The following BIN1 variants were observed in gnomAD, a reference collection of about 807,000 sequenced individuals.
BIN1 encodes bridging integrator 1.
BIN1 carries 53 observed loss-of-function variants against 82.0 expected under a neutral mutation model. The ratio of observed to expected loss-of-function variants is 0.65; its 90% CI spans 0.52 to 0.81. The LOEUF (loss-of-function observed/expected upper bound fraction) is 0.81, where lower values mean the gene tolerates loss of function less well. Among genes scored for constraint, BIN1 ranks in the 40% least tolerant of loss-of-function variants. BIN1 has a pLI of 0.00. For missense variants in BIN1, 642 were observed against 784.4 expected, an observed-to-expected ratio of 0.82 and a Z score of 2.17; for synonymous variants, 302 against 328.0, an observed-to-expected ratio of 0.92 and a Z score of 0.86.
At chr2:127,106,650 G>A (rs568840705) in intron 1 of BIN1, among the ~76,000 whole-genome samples, 19 of 152,104 alleles carry the variant, frequency 1.2e-4, no homozygotes, top group African/African-American at 4.3e-4. Flanking sequence ...CCGGGTGTGG[G>A]GAGACAGAGG....
chr2:127,052,309 C>A lies in BIN1; in HGVS notation c.1317G>T (p.Glu439Asp). The A allele has an allele frequency of 6.3e-7, 1 of 1,586,798 alleles. No homozygotes were observed. Among genetic ancestry groups the A allele is most frequent in the Non-Finnish European group, 8.6e-7 (1 of 1,167,000 alleles). ...TGGGCCAGGACACAGCAAAGGTGCC[C>A]TCGGCAGCGCTGGGCTCCCCGGAAG... ...SLPSGEPSAA[E>D]GTFAVSWPSQ... The change falls in exon 15 of 19, where the codon GAG (glutamate) becomes GAT (aspartate). Residue 439 changes from glutamate (E) to aspartate (D), a missense_variant. Coordinates refer to ENST00000316724, the MANE Select transcript of BIN1 (RefSeq NM_139343.3).
At chr2:127,102,861 G>T (rs576537486) in intron 1 of BIN1, among the ~76,000 whole-genome samples, 40 of 152,374 alleles carry the variant, frequency 2.6e-4, no homozygotes, top group African/African-American at 9.6e-4. Flanking sequence ...GATACAGGAA[G>T]AGCCTGAACA....
chr2:127,087,670 A>T (rs1361175322), intron 1 of BIN1, among the ~76,000 whole-genome samples: 3 of 152,216 alleles, frequency 2.0e-5, no homozygotes, highest in Non-Finnish European at 4.4e-5. Context: ...TCCAAAGACC[A>T]CATGTGCTCC....
At chr2:127,084,948 G>A (rs1037886852) in intron 1 of BIN1, among the ~76,000 whole-genome samples, 6 of 152,196 alleles carry the variant, frequency 3.9e-5, no homozygotes, top group Non-Finnish European at 5.9e-5. Flanking sequence ...GAAGTCACAC[G>A]TACAGAGGCG....
At chr2:127,073,911 C>A (rs1558842033) in intron 2 of BIN1, among the ~76,000 whole-genome samples, 2 of 152,130 alleles carry the variant, frequency 1.3e-5, no homozygotes, top group African/African-American at 4.8e-5. Flanking sequence ...CATGGGCTCT[C>A]AGAGCAGGGG....
chr2:127,086,896 G>A (rs536496466), intron 1 of BIN1, among the ~76,000 whole-genome samples: 17 of 152,158 alleles, frequency 1.1e-4, no homozygotes, highest in Admixed American at 1.1e-3. Flanking sequence ...AAGCCCCCAT[G>A]CTCCGTCCCC....
At chr2:127,085,278 A>G (rs1029473460) in intron 1 of BIN1, among the ~76,000 whole-genome samples, 1 of 152,140 alleles carries the variant, frequency 6.6e-6, no homozygotes, top group Non-Finnish European at 1.5e-5. Flanking sequence ...CAAGCCCAGA[A>G]CACACAGCAC....
chr2:127,073,356 G>T (rs1287547621), intron 2 of BIN1, among the ~76,000 whole-genome samples: 1 of 152,244 alleles, frequency 6.6e-6, no homozygotes, highest in Non-Finnish European at 1.5e-5. Context: ...ATCTGAGAAA[G>T]AATTCTCTGG....
At chr2:127,056,710 G>A (rs1683719711) in intron 12 of BIN1, among the ~76,000 whole-genome samples, 1 of 152,228 alleles carries the variant, frequency 6.6e-6, no homozygotes, top group African/African-American at 2.4e-5. Flanking sequence ...CTCGGGGAGT[G>A]CGGGGAAGGC....
Position 127,063,597 on chromosome 2 carries a change from C to T in BIN1, c.748G>A (p.Glu250Lys), listed in dbSNP as rs757682434. ...NTFQSIAGLE[E>K]NFHKEMSKLN... ...TTGCTCATCTCCTTGTGGAAGTTTTCCTCCAGGCCCGCGATGCTCTGGAAC... is the reference window on the plus strand; with the variant it reads ...TTGCTCATCTCCTTGTGGAAGTTTTTCTCCAGGCCCGCGATGCTCTGGAAC... The change falls in exon 9 of 19, where the codon GAA (glutamate) becomes AAA (lysine). Residue 250 changes from glutamate to lysine, a missense_variant. By Grantham distance (56) the Glu-to-Lys change is moderately conservative. Coordinates refer to ENST00000316724, the MANE Select transcript of BIN1 (RefSeq NM_139343.3). The T allele has an allele frequency of 4.3e-6, 7 of 1,613,992 alleles. No individual in the cohort carries two copies. In the South Asian group the frequency reaches 7.7e-5, roughly 18 times the overall value.
Position 127,048,422 on chromosome 2 carries a change from T to C in BIN1, c.*104A>G. Reference sequence around the variant, plus strand: ...TGGGGGTCTCCTCTTGATTTCCCTTTGCTCTTCAAAAGATGAAAAACGAAA... The same window carrying C: ...TGGGGGTCTCCTCTTGATTTCCCTTCGCTCTTCAAAAGATGAAAAACGAAA... On this transcript the variant is annotated 3_prime_UTR_variant, in exon 19 of 19. Transcript: ENST00000316724. 1 of 1,130,182 alleles carries C rather than the reference T, an allele frequency of 8.8e-7. No individual in the cohort carries two copies. The highest frequency in any genetic ancestry group is 1.3e-6 in the Non-Finnish European group (1 of 757,402). 70.0% of individuals were successfully genotyped at this position (1,130,182 alleles called of 1,614,324 possible). A position where few individuals can be genotyped will look rare whatever the true frequency, so the allele number is the denominator to read the frequency against.
chr2:127,060,621 A>C (rs148473945), intron 10 of BIN1: 6 of 1,614,216 alleles, frequency 3.7e-6, no homozygotes, highest in Non-Finnish European at 4.2e-6. Context: ...CGCAGCCGCG[A>C]AAACAGTTTA....
At position 127,048,522 on chromosome 2, in the gene BIN1, G is replaced by A. The variant is rs758260134; in HGVS notation, c.*4C>T. The A allele has an allele frequency of 2.5e-6, 4 of 1,613,318 alleles. No homozygotes were observed. Among genetic ancestry groups the A allele is most frequent in the East Asian group, 2.2e-5 (1 of 44,864 alleles). On this transcript the variant is annotated 3_prime_UTR_variant, in exon 19 of 19. Transcript: ENST00000316724. ...CACGCCCGGAGGCTGCCTGGGCCCC[G>A]CCGTCATGGGACCCTCTCAGTGAAG... is the stretch of plus-strand genomic sequence containing the variant.
rs566975744 is a variant in BIN1 at position 127,094,144 on chromosome 2, A to G, written c.84+12716T>C. 3.9e-5 allele frequency among the ~76,000 whole-genome samples: 6 copies of G among 152,252 alleles called. No individual in the cohort carries two copies. In the East Asian group the frequency reaches 1.2e-3, roughly 29 times the overall value. ...ACACAGGATACTATCCCACCTCACA[A>G]AAGGGGACACTGAAACTTGGAGGGG... On this transcript the variant is annotated intron_variant, in intron 1 of 18. Coordinates refer to ENST00000316724, the MANE Select transcript of BIN1 (RefSeq NM_139343.3).
At chr2:127,106,710 C>T (rs1681181063) in intron 1 of BIN1, 150 bp downstream of exon 1, 13 of 940,240 alleles carry the variant, frequency 1.4e-5, no homozygotes, top group Non-Finnish European at 2.0e-5. Flanking sequence ...AGCCTGGGGA[C>T]CTCGAAGCCC....
chr2:127,069,655 C>T (rs2105065511), intron 5 of BIN1, among the ~76,000 whole-genome samples: 1 of 152,198 alleles, frequency 6.6e-6, no homozygotes, highest in East Asian at 1.9e-4. Flanking sequence ...CACAGGGGAC[C>T]TGCAGGCACA....
Position 127,075,511 on chromosome 2 carries a change from T to C in BIN1, c.165+1115A>G, listed in dbSNP as rs1167438620. On this transcript the variant is annotated intron_variant, in intron 2 of 18. Coordinates refer to ENST00000316724, the MANE Select transcript of BIN1 (RefSeq NM_139343.3). ...AGATATCCCTGCCACAGGGTCTACC[T>C]GGGCCTTGAAACTCCTCCCATAACT... Among the ~76,000 whole-genome samples the C allele has an allele frequency of 2.0e-5, 3 of 152,184 alleles. No homozygotes were observed. The East Asian group carries it at 5.8e-4, about 29-fold the overall frequency.
intron 1 of BIN1, chr2:127,081,720 C>A: frequency 8.5e-7 from 1 of 1,169,638 alleles, no homozygotes; most frequent in South Asian, 1.4e-5. Flanking sequence ...AGCAGAGTTC[C>A]CAACACCCCA....
intron 5 of BIN1, among the ~76,000 whole-genome samples, chr2:127,069,628 A>G (rs1685604891): frequency 6.6e-6 from 1 of 152,076 alleles, no homozygotes; most frequent in African/African-American, 2.4e-5. Flanking sequence ...TACCCTTCCA[A>G]GCACCCATGG....
Sources: gnomAD v4.1 joint callset for allele counts (sites outside exome capture counted in the v4.1 genomes callset) on GRCh38, gnomAD v4.1.1 for gene constraint, MANE v1.5 for transcripts, NCBI Gene and HGNC (gene_info 2026-07-23, HGNC 2026-07-21) for gene names.